The following SLC27A1 variants were observed in gnomAD, a reference collection of about 807,000 sequenced individuals.
SLC27A1 encodes solute carrier family 27 member 1.
Under a neutral mutation model 62.2 loss-of-function variants are expected in SLC27A1, and 61 were observed. The ratio of observed to expected loss-of-function variants is 0.98; its 90% CI spans 0.80 to 1.21. The LOEUF is 1.21. Ranked by LOEUF, SLC27A1 falls within the 50% of genes most tolerant of loss-of-function variation. The pLI is 0.00. For synonymous variants in SLC27A1, 435 were observed against 408.6 expected, an observed-to-expected ratio of 1.06 and a Z score of -0.78; for missense variants, 903 against 932.1, an observed-to-expected ratio of 0.97 and a Z score of 0.41.
rs1483180119 is a variant in SLC27A1, at chr19:17,477,259, T to TTTTTTC, written c.167+6557_167+6558insCTTTTT. ...GCAGCGCTTTTTTTTTTTTTTTTTT[T>TTTTTTC]TTTTTGAGACTGAATCTTGCTCGAT... On this transcript the variant is annotated intron_variant, in intron 1 of 11. Transcript: ENST00000252595. Among the ~76,000 whole-genome samples, 2 of 141,536 alleles carry TTTTTTC rather than the reference T, an allele frequency of 1.4e-5. 1 individual carries two copies. Among genetic ancestry groups the TTTTTTC allele is most frequent in the African/African-American group, 5.3e-5 (2 of 37,920 alleles). 92.9% of individuals were successfully genotyped at this position (141,536 alleles called of 152,430 possible).
At chr19:17,470,245 C>CG (rs1055157962), upstream of SLC27A1, among the ~76,000 whole-genome samples, 51 of 151,858 alleles carry the variant, frequency 3.4e-4, no homozygotes, top group Non-Finnish European at 6.5e-4. Context: ...ACCCAGGGTC[C>CG]GGGGGCGGAG....
At chr19:17,482,650 C>CAAAAA (rs57804553) in intron 1 of SLC27A1, among the ~76,000 whole-genome samples, 3 of 60,682 alleles carry the variant, frequency 4.9e-5, no homozygotes, top group Non-Finnish European at 6.0e-5. Flanking sequence ...GACTCTGTCT[C>CAAAAA]AAAAAAAAAA....
chr19:17,486,625 C>A lies in SLC27A1; in HGVS notation c.230C>A (p.Thr77Asn). The A allele has an allele frequency of 6.3e-7, 1 of 1,599,884 alleles. No homozygotes were observed. The highest frequency in any genetic ancestry group is 8.5e-7 in the Non-Finnish European group (1 of 1,178,224). The change falls in exon 2 of 12, where the codon ACC becomes AAC. Residue 77 changes from threonine to asparagine, a missense_variant. Physicochemically the swap from Thr to Asn is moderately conservative, Grantham distance 65. Coordinates refer to ENST00000252595, the MANE Select transcript of SLC27A1 (RefSeq NM_198580.3). The surrounding 1 kb of genome is among the most constrained non-coding windows in gnomAD (Gnocchi z 6.6). Reference sequence around the variant, plus strand: ...CGGCGGCACCAGCGTGCCGGCCACACCATCCCGCGCATCTTTCAGGCGGTA... The same window carrying A: ...CGGCGGCACCAGCGTGCCGGCCACAACATCCCGCGCATCTTTCAGGCGGTA... Reference protein sequence around the residue: ...ELRRHQRAGHTIPRIFQAVVQ... With the variant: ...ELRRHQRAGHNIPRIFQAVVQ...
intron 1 of SLC27A1, among the ~76,000 whole-genome samples, chr19:17,478,322 C>G (rs993655955): frequency 6.6e-6 from 1 of 151,254 alleles, no homozygotes; most frequent in African/African-American, 2.4e-5. Context: ...CAAAAATTAG[C>G]CAGGTGTGGT....
rs549538616 is a variant in SLC27A1 at position 17,473,119 on chromosome 19, G to T, written c.167+2412G>T. 4.6e-5 allele frequency among the ~76,000 whole-genome samples: 7 copies of T among 152,222 alleles called. No homozygotes were observed. The East Asian group carries it at 1.2e-3, about 25-fold the overall frequency. ...GGCTAATTTTTTTATTTTTTGTAGAGACGTGGTTCTGCCACGTTGCCCAGG... is the reference window on the plus strand; with the variant it reads ...GGCTAATTTTTTTATTTTTTGTAGATACGTGGTTCTGCCACGTTGCCCAGG... On this transcript the variant is annotated intron_variant, in intron 1 of 11. Coordinates refer to ENST00000252595, the MANE Select transcript of SLC27A1 (RefSeq NM_198580.3).
chr19:17,470,758 G>C (rs7248545), intron 1 of SLC27A1, 51 bp downstream of exon 1: 3 of 1,506,328 alleles, frequency 2.0e-6, no homozygotes, highest in Non-Finnish European at 2.6e-6. Context: ...TGAGGGCTCT[G>C]GGGGCGCACG....
chr19:17,491,341 A>C (rs2075292374), intron 6 of SLC27A1: 2 of 149,108 alleles, frequency 1.3e-5, no homozygotes, highest in African/African-American at 2.5e-5. Flanking sequence ...AGCCCCTGGC[A>C]ACCACTATTC....
intron 6 of SLC27A1, among the ~76,000 whole-genome samples, chr19:17,494,001 C>T (rs1444478790): frequency 6.6e-6 from 1 of 151,024 alleles, no homozygotes; most frequent in East Asian, 2.0e-4. Context: ...TGGACATGCC[C>T]AGCCCCAGGT....
chr19:17,500,493 AG>A lies in SLC27A1; in HGVS notation c.1336del, dbSNP rs1367818123. On this transcript the variant is annotated splice_acceptor_variant, in intron 8 of 11. Coordinates refer to ENST00000252595, the MANE Select transcript of SLC27A1 (RefSeq NM_198580.3). LOFTEE classifies it high-confidence loss of function. The stretch of plus-strand genomic sequence containing the variant: ...GCAGCCTGAACATGGCCTTCTCCCT[AG>A]GGGAGCCTGGCCTCCTTGTGGGTCA... 1 of 1,613,572 alleles carries A rather than the reference AG, an allele frequency of 6.2e-7. No individual in the cohort carries two copies. Among genetic ancestry groups the A allele is most frequent in the South Asian group, 1.1e-5 (1 of 91,038 alleles).
chr19:17,505,324 C>G lies in SLC27A1; in HGVS notation c.*712C>G, dbSNP rs1199273838. The G allele has an allele frequency of 5.9e-6, 1 of 169,478 alleles. No homozygotes were observed. Among genetic ancestry groups the G allele is most frequent in the Non-Finnish European group, 1.3e-5 (1 of 77,496 alleles). The allele number at this position is 169,478 out of a possible 1,614,324, so 10.5% of individuals were successfully genotyped here. On this transcript the variant is annotated 3_prime_UTR_variant, in exon 12 of 12. Transcript: ENST00000252595. ...CTGGGCCCTGGACTCGGACTGGGGC[C>G]TCCCCACCTCCCTCTCGGCTGTGCC...
At chr19:17,488,239 A>G (rs1484835895) in intron 4 of SLC27A1, among the ~76,000 whole-genome samples, 1 of 152,150 alleles carries the variant, frequency 6.6e-6, no homozygotes, top group Non-Finnish European at 1.5e-5. Flanking sequence ...CATGACTGTA[A>G]TCCCAGCTAC....
At chr19:17,477,331 C>G (rs2075134661) in intron 1 of SLC27A1, among the ~76,000 whole-genome samples, 1 of 144,554 alleles carries the variant, frequency 6.9e-6, no homozygotes, top group Non-Finnish European at 1.5e-5. Flanking sequence ...ACTGCAACCT[C>G]CACCTCATGG....
rs1490596805 is a variant in SLC27A1 at position 17,470,727 on chromosome 19, G to A, written c.167+20G>A. On this transcript the variant is annotated intron_variant, in intron 1 of 11. Coordinates refer to ENST00000252595, the MANE Select transcript of SLC27A1 (RefSeq NM_198580.3). Reference sequence around the variant, plus strand: ...CCTCTTGTGAGTGTTGCCGGGATCCGTCCAGGGCTGGGGGCGGGGCTGAGG... The same window carrying A: ...CCTCTTGTGAGTGTTGCCGGGATCCATCCAGGGCTGGGGGCGGGGCTGAGG... 3 of 1,564,300 alleles carry A rather than the reference G, an allele frequency of 1.9e-6. No individual in the cohort carries two copies. The highest frequency in any genetic ancestry group is 2.6e-6 in the Non-Finnish European group (3 of 1,161,548).
intron 7 of SLC27A1, chr19:17,497,727 G>A: frequency 4.0e-6 from 2 of 494,542 alleles, no homozygotes; most frequent in Non-Finnish European, 7.2e-6. Flanking sequence ...TGTGCGCCCT[G>A]GCAAGTGCCT....
chr19:17,483,671 A>G (rs1340283171), intron 1 of SLC27A1, among the ~76,000 whole-genome samples: 2 of 151,276 alleles, frequency 1.3e-5, no homozygotes, highest in African/African-American at 4.9e-5. Context: ...TTCATTGTGA[A>G]CCCCTCCTGG....
intron 6 of SLC27A1, among the ~76,000 whole-genome samples, chr19:17,489,421 AGT>A (rs1275051740): frequency 6.6e-6 from 1 of 152,214 alleles, no homozygotes; most frequent in Non-Finnish European, 1.5e-5. Flanking sequence ...GAGGGCAAGT[AGT>A]GTTTCCTGAG....
At chr19:17,487,129 G>A in intron 2 of SLC27A1, 45 bp from the exon 3 acceptor site, 1 of 1,611,838 alleles carries the variant, frequency 6.2e-7, no homozygotes, top group East Asian at 2.2e-5. Context: ...CCTCGGGAGG[G>A]GGCCTGTCCG....
Position 17,486,707 on chromosome 19 carries a change from G to A in SLC27A1, c.312G>A (p.Trp104Ter). Residue 104 changes from tryptophan to a stop codon, truncating the protein, a stop_gained, in exon 2 of 12, where the codon TGG becomes TGA. Coordinates refer to ENST00000252595, the MANE Select transcript of SLC27A1 (RefSeq NM_198580.3). LOFTEE classifies it high-confidence loss of function. The surrounding 1 kb of genome is among the most constrained non-coding windows in gnomAD (Gnocchi z 6.6). ...TGGATGCCGGGACCGGCGAGTGCTG[G>A]ACCTTTGCGCAGCTGGACGCCTACT... is the stretch of plus-strand genomic sequence containing the variant. ...ALVDAGTGEC[W>*]TFAQLDAYSN... The A allele has an allele frequency of 6.2e-7, 1 of 1,612,132 alleles. No individual in the cohort carries two copies. Among genetic ancestry groups the A allele is most frequent in the Non-Finnish European group, 8.5e-7 (1 of 1,179,622 alleles).
Position 17,470,618 on chromosome 19 carries a change from G to C in SLC27A1, c.78G>C (p.Trp26Cys). The change falls in exon 1 of 12, where the codon TGG becomes TGC. Residue 26 changes from tryptophan (W) to cysteine (C), a missense_variant. Physicochemically the swap from Trp to Cys is radical, Grantham distance 215. Transcript: ENST00000252595. ...LLWLLGLPWT[W>C]SAAAALGVYV... ...GGCTGCTGGGGCTGCCGTGGACCTG[G>C]AGCGCGGCAGCGGCGCTCGGCGTGT... 6.4e-7 allele frequency: 1 copy of C among 1,571,940 alleles called. No homozygotes were observed. The highest frequency in any genetic ancestry group is 8.6e-7 in the Non-Finnish European group (1 of 1,166,844).
Sources: gnomAD v4.1 joint callset for allele counts (sites outside exome capture counted in the v4.1 genomes callset) on GRCh38, gnomAD v4.1.1 for gene constraint, Gnocchi (gnomAD v3.1) non-coding constraint, MANE v1.5 for transcripts, NCBI Gene and HGNC (gene_info 2026-07-23, HGNC 2026-07-21) for gene names.